CYP7B1: variants seen among roughly 807,000 people sequenced by gnomAD.
CYP7B1 encodes cytochrome P450 7B1.
CYP7B1 carries 29 observed loss-of-function variants against 42.7 expected under a neutral mutation model. The ratio of observed to expected loss-of-function variants is 0.68; its 90% CI spans 0.51 to 0.93. The LOEUF (loss-of-function observed/expected upper bound fraction) is 0.93, where lower values mean the gene tolerates loss of function less well. Ranked by LOEUF, CYP7B1 falls within the 40% of genes least tolerant of loss-of-function variation. The pLI, the probability that CYP7B1 is intolerant of heterozygous loss-of-function variation, is 0.00. For synonymous variants in CYP7B1, 235 were observed against 218.2 expected, an observed-to-expected ratio of 1.08 and a Z score of -0.68; for missense variants, 655 against 600.5, an observed-to-expected ratio of 1.09 and a Z score of -0.95.
intron 1 of CYP7B1, among the ~76,000 whole-genome samples, chr8:64,652,626 C>T (rs760382250): frequency 9.2e-5 from 14 of 152,222 alleles, no homozygotes; most frequent in Middle Eastern, 3.4e-3. Context: ...AGGCGGATCA[C>T]GAGGTCAGGA....
At chr8:64,692,291 T>A (rs544277370) in intron 1 of CYP7B1, among the ~76,000 whole-genome samples, 3 of 152,368 alleles carry the variant, frequency 2.0e-5, no homozygotes, top group African/African-American at 7.2e-5. Context: ...AACAAATGGA[T>A]ATTATCACTT....
At chr8:64,692,513 GA>G (rs1183790501) in intron 1 of CYP7B1, among the ~76,000 whole-genome samples, 12 of 152,180 alleles carry the variant, frequency 7.9e-5, no homozygotes, top group African/African-American at 2.9e-4. Flanking sequence ...GTGTGTCTTA[GA>G]GAAGTGGAGA....
intron 1 of CYP7B1, among the ~76,000 whole-genome samples, chr8:64,693,770 C>T (rs897977309): frequency 2.0e-5 from 3 of 151,922 alleles, no homozygotes; most frequent in Non-Finnish European, 2.9e-5. Flanking sequence ...CACATATATA[C>T]GTGTGTGTGT....
intron 1 of CYP7B1, among the ~76,000 whole-genome samples, chr8:64,659,654 A>G (rs910551928): frequency 5.3e-5 from 8 of 152,250 alleles, no homozygotes; most frequent in Admixed American, 3.9e-4. Context: ...GATATAAAAC[A>G]TTAGCATAAT....
intron 4 of CYP7B1, among the ~76,000 whole-genome samples, chr8:64,608,875 G>A (rs572406801): frequency 3.4e-4 from 51 of 152,216 alleles, no homozygotes; most frequent in Admixed American, 2.9e-3. Flanking sequence ...ATCTGAATTG[G>A]TACAAATGCC....
chr8:64,697,418 CTG>C (rs1806845722), intron 1 of CYP7B1, among the ~76,000 whole-genome samples: 1 of 152,326 alleles, frequency 6.6e-6, no homozygotes, highest in Non-Finnish European at 1.5e-5. Context: ...TCAATCCAGA[CTG>C]TAAACTCTGA....
At chr8:64,614,853 T>C (rs532966272) in intron 4 of CYP7B1, among the ~76,000 whole-genome samples, 173 bp downstream of exon 4, 52 of 152,296 alleles carry the variant, frequency 3.4e-4, no homozygotes, top group African/African-American at 1.2e-3. Flanking sequence ...AATGTTTACA[T>C]GCAATGAGAG....
At chr8:64,665,981 A>G (rs982894398) in intron 1 of CYP7B1, among the ~76,000 whole-genome samples, 4 of 151,106 alleles carry the variant, frequency 2.6e-5, no homozygotes, top group Admixed American at 6.6e-5. Flanking sequence ...AAGTTAATAC[A>G]CTCTCTAAAT....
At chr8:64,631,336 T>C (rs1050015164) in intron 1 of CYP7B1, among the ~76,000 whole-genome samples, 1 of 151,862 alleles carries the variant, frequency 6.6e-6, no homozygotes, top group Non-Finnish European at 1.5e-5. Flanking sequence ...AGAAAAAAAA[T>C]CATCTGCTCA....
intron 1 of CYP7B1, 123 bp downstream of exon 1, chr8:64,798,343 C>A: frequency 7.5e-7 from 1 of 1,340,586 alleles, no homozygotes; most frequent in Non-Finnish European, 9.6e-7. Context: ...GAAGCCAGTA[C>A]CCCGCAGCAA....
At chr8:64,758,147 C>A (rs1807834338) in intron 1 of CYP7B1, among the ~76,000 whole-genome samples, 1 of 152,146 alleles carries the variant, frequency 6.6e-6, no homozygotes, top group East Asian at 1.9e-4. Flanking sequence ...TTACCTAGAA[C>A]AAAAGGCTTG....
In CYP7B1 at chr8:64,718,911, C is replaced by G. The variant is rs1807198065; in HGVS notation, c.122+79555G>C. Among the ~76,000 whole-genome samples, 4 of 152,188 alleles carry G rather than the reference C, an allele frequency of 2.6e-5. No individual in the cohort carries two copies. The South Asian group carries it at 8.3e-4, about 32-fold the overall frequency. On this transcript the variant is annotated intron_variant, in intron 1 of 5. Coordinates refer to ENST00000310193, the MANE Select transcript of CYP7B1 (RefSeq NM_004820.5). The stretch of plus-strand genomic sequence containing the variant: ...GGCAGGGTTACCCCCTCAAAGTCAT[C>G]AAGGCTCCATCTGTTCTACTACAAC...
chr8:64,745,973 T>C (rs1487934429), intron 1 of CYP7B1, among the ~76,000 whole-genome samples: 1 of 152,236 alleles, frequency 6.6e-6, no homozygotes, highest in East Asian at 1.9e-4. Flanking sequence ...TCATGGCCAG[T>C]TTAGTGAAAG....
intron 1 of CYP7B1, among the ~76,000 whole-genome samples, chr8:64,695,096 A>T (rs1806804311): frequency 6.6e-6 from 1 of 152,128 alleles, no homozygotes. Context: ...GCTGACTAAA[A>T]ATCAGCCATG....
rs57345617 is a variant in CYP7B1, at chr8:64,669,726, TACAC to T, written c.123-45191_123-45188del. Reference sequence around the variant, plus strand: ...GGAGGGAATGAAGGTTTTACATACATACACACACACACACACACACATACACACA... The same window carrying T: ...GGAGGGAATGAAGGTTTTACATACATACACACACACACACACATACACACA... On this transcript the variant is annotated intron_variant, in intron 1 of 5. Transcript: ENST00000310193. Among the ~76,000 whole-genome samples, 576 of 129,836 alleles carry T rather than the reference TACAC, an allele frequency of 4.4e-3. 4 individuals are homozygous for T. The highest frequency in any genetic ancestry group is 0.015 in the African/African-American group (539 of 34,830). 85.2% of individuals were successfully genotyped at this position (129,836 alleles called of 152,430 possible).
intron 1 of CYP7B1, among the ~76,000 whole-genome samples, chr8:64,693,624 G>T (rs1434729333): frequency 6.6e-6 from 1 of 152,106 alleles, no homozygotes; most frequent in Non-Finnish European, 1.5e-5. Flanking sequence ...TAAAGTTATG[G>T]GTGGACTAGG....
chr8:64,725,380 C>CTGAACGTCTCTCTCCACTTTCCCCCT (rs1374483586), intron 1 of CYP7B1, among the ~76,000 whole-genome samples: 1 of 152,216 alleles, frequency 6.6e-6, no homozygotes, highest in Non-Finnish European at 1.5e-5. Flanking sequence ...TGGAGAATCA[C>CTGAACGTCTCTCTCCACTTTCCCCCT]TGAACGTCTC....
chr8:64,762,834 T>C (rs997583757), intron 1 of CYP7B1, among the ~76,000 whole-genome samples: 2 of 152,226 alleles, frequency 1.3e-5, no homozygotes, highest in Admixed American at 1.3e-4. Context: ...TTATTATTCA[T>C]TGTAAAACTA....
At chr8:64,653,828 T>C (rs970734177) in intron 1 of CYP7B1, among the ~76,000 whole-genome samples, 3 of 152,228 alleles carry the variant, frequency 2.0e-5, no homozygotes, top group Non-Finnish European at 4.4e-5. Flanking sequence ...ATCCCCAGGA[T>C]GCAAGTTTGG....
Sources: allele counts gnomAD v4.1 joint callset (sites outside exome capture counted in the v4.1 genomes callset), GRCh38; gene constraint gnomAD v4.1.1; transcripts MANE v1.5; gene names NCBI Gene and HGNC (gene_info 2026-07-23, HGNC 2026-07-21).